RCN1: variants seen among roughly 807,000 people sequenced by gnomAD.
RCN1 encodes the protein reticulocalbin 1, also known as reticulocalbin-1.
In RCN1, 14 loss-of-function variants were observed where a neutral mutation model predicts 34.7. That is an observed-to-expected ratio of 0.40 (90% CI 0.27 to 0.63). The LOEUF is 0.63. Among genes scored for constraint, RCN1 ranks in the 30% least tolerant of loss-of-function variants. The pLI is 0.37. For synonymous variants in RCN1, 125 were observed against 165.5 expected (o/e 0.76, Z 1.88); for missense variants, 326 against 425.1 (o/e 0.77, Z 2.05).
At chr11:32,093,008 C>CAAT (rs1264419156) in intron 1 of RCN1, among the ~76,000 whole-genome samples, 1 of 152,188 alleles carries the variant, frequency 6.6e-6, no homozygotes, top group East Asian at 1.9e-4. Context: ...TAGGACTTAA[C>CAAT]AATAGGGGCC....
At chr11:32,097,906 C>A (rs1851991300) in intron 2 of RCN1, among the ~76,000 whole-genome samples, 2 of 152,264 alleles carry the variant, frequency 1.3e-5, no homozygotes, top group African/African-American at 4.8e-5. Flanking sequence ...CTGCTGGGTG[C>A]ATGGTGAGGT....
chr11:32,100,012 T>C (rs531583704), intron 3 of RCN1, among the ~76,000 whole-genome samples: 90 of 152,188 alleles, frequency 5.9e-4, no homozygotes, highest in Non-Finnish European at 1.1e-3. Flanking sequence ...CTCATTTAAT[T>C]ATTGACCCAA....
Position 32,099,811 on chromosome 11 carries a change from C to A in RCN1, c.628-737C>A, listed in dbSNP as rs75905801. Among the ~76,000 whole-genome samples, 704 of 152,270 alleles carry A rather than the reference C, an allele frequency of 4.6e-3. 8 individuals are homozygous for A. Among genetic ancestry groups the A allele is most frequent in the African/African-American group, 0.016 (682 of 41,532 alleles). On this transcript the variant is annotated intron_variant, in intron 3 of 5. Coordinates refer to ENST00000054950, the MANE Select transcript of RCN1 (RefSeq NM_002901.4). Reference sequence around the variant, plus strand: ...GACTGCCATGACTGTAAGGACTGGGCAGTGGCTCCAAGAATCATTTCTCTT... The same window carrying A: ...GACTGCCATGACTGTAAGGACTGGGAAGTGGCTCCAAGAATCATTTCTCTT...
chr11:32,102,283 C>G (rs1852054654), intron 4 of RCN1: 1 of 151,852 alleles, frequency 6.6e-6, no homozygotes, highest in Non-Finnish European at 1.5e-5. Context: ...AAAAAGTGAG[C>G]CCATTTTTAC....
chr11:32,103,586 T>C, intron 5 of RCN1, 106 bp downstream of exon 5: 1 of 962,446 alleles, frequency 1.0e-6, no homozygotes, highest in Non-Finnish European at 1.6e-6. Context: ...GCCATGTCTT[T>C]ATTGACTTTT....
intron 1 of RCN1, 170 bp from the exon 2 acceptor site, chr11:32,096,974 T>A (rs1394818310): frequency 1.8e-6 from 1 of 570,382 alleles, no homozygotes; most frequent in African/African-American, 1.9e-5. Flanking sequence ...AAGGATAAAC[T>A]TGAAGATTCC....
In RCN1 at chr11:32,103,288, G is replaced by A. The variant is rs1852067059; in HGVS notation, c.696G>A (p.Met232Ile). The change falls in exon 5 of 6, where the codon ATG becomes ATA. Residue 232 changes from methionine to isoleucine, a missense_variant. Coordinates refer to ENST00000054950, the MANE Select transcript of RCN1 (RefSeq NM_002901.4). ...FVDQDEYIAD[M>I]FSHEENGPEP... ...AATAACCTTCCCTTCTAGCGGATAT[G>A]TTTTCCCATGAGGAGAATGGCCCTG... is the stretch of plus-strand genomic sequence containing the variant. The A allele has an allele frequency of 6.2e-7, 1 of 1,613,890 alleles. No individual in the cohort carries two copies. Among genetic ancestry groups the A allele is most frequent in the Non-Finnish European group, 8.5e-7 (1 of 1,179,800 alleles).
chr11:32,103,575 G>A lies in RCN1; in HGVS notation c.888+95G>A, dbSNP rs1181076983. The A allele has an allele frequency of 2.8e-6, 3 of 1,076,796 alleles. No individual in the cohort carries two copies. In the African/African-American group the frequency reaches 4.6e-5, roughly 17 times the overall value. The allele number at this position is 1,076,796 out of a possible 1,614,324, so 66.7% of individuals were successfully genotyped here. ...TTTCGGCGATAGCATTGACCCATGT[G>A]GCCATGTCTTTATTGACTTTTCCTT... is the stretch of plus-strand genomic sequence containing the variant. On this transcript the variant is annotated intron_variant, in intron 5 of 5. Coordinates refer to ENST00000054950, the MANE Select transcript of RCN1 (RefSeq NM_002901.4).
intron 3 of RCN1, among the ~76,000 whole-genome samples, chr11:32,099,302 C>T (rs1378167111): frequency 6.7e-6 from 1 of 149,036 alleles, no homozygotes; most frequent in African/African-American, 2.5e-5. Context: ...GCCTGGGCGA[C>T]AGGGTGAGAC....
intron 1 of RCN1, among the ~76,000 whole-genome samples, chr11:32,095,604 T>C (rs1851965600): frequency 6.6e-6 from 1 of 152,076 alleles, no homozygotes; most frequent in East Asian, 1.9e-4. Context: ...GAGACGGGGT[T>C]TCACCGTGTT....
chr11:32,100,357 G>A (rs925327393), intron 3 of RCN1, among the ~76,000 whole-genome samples, 191 bp from the exon 4 acceptor site: 1 of 152,200 alleles, frequency 6.6e-6, no homozygotes, highest in Non-Finnish European at 1.5e-5. Context: ...GGAAACTGGG[G>A]TGGGGGATTA....
intron 2 of RCN1, among the ~76,000 whole-genome samples, 188 bp downstream of exon 2, chr11:32,097,525 A>C (rs1851987238): frequency 6.6e-6 from 1 of 152,170 alleles, no homozygotes; most frequent in Non-Finnish European, 1.5e-5. Context: ...GAATGAAGTT[A>C]CAGGTGGGAG....
intron 1 of RCN1, among the ~76,000 whole-genome samples, chr11:32,093,627 C>T (rs1273082766): frequency 1.3e-5 from 2 of 151,908 alleles, no homozygotes; most frequent in African/African-American, 4.8e-5. Context: ...GAAAAGCGTT[C>T]TGGGGCATGA....
At chr11:32,092,007 G>T (rs1042874503) in intron 1 of RCN1, among the ~76,000 whole-genome samples, 1 of 152,052 alleles carries the variant, frequency 6.6e-6, no homozygotes, top group Non-Finnish European at 1.5e-5. Flanking sequence ...TAAATCTATC[G>T]TAAGGAGTCT....
chr11:32,102,961 A>G (rs918452450), intron 4 of RCN1: 2 of 482,840 alleles, frequency 4.1e-6, no homozygotes, highest in South Asian at 3.2e-5. Context: ...ACATTTGATC[A>G]TAATAGCCCC....
intron 1 of RCN1, among the ~76,000 whole-genome samples, chr11:32,095,161 C>T (rs1851958618): frequency 6.6e-6 from 1 of 152,030 alleles, no homozygotes; most frequent in African/African-American, 2.4e-5. Flanking sequence ...CTCAACACTG[C>T]ACAATGTTAA....
chr11:32,099,603 A>G (rs1852012818), intron 3 of RCN1, among the ~76,000 whole-genome samples: 1 of 152,150 alleles, frequency 6.6e-6, no homozygotes, highest in African/African-American at 2.4e-5. Context: ...TTGGGTCCCA[A>G]ATGTCTTCAT....
intron 5 of RCN1, 70 bp from the exon 6 acceptor site, chr11:32,104,295 C>T: frequency 1.1e-6 from 1 of 901,256 alleles, no homozygotes; most frequent in South Asian, 1.4e-5. Flanking sequence ...AGTGAAATGA[C>T]ATGAACATCA....
chr11:32,100,583 G>GT lies in RCN1; in HGVS notation c.666dup (p.Val223CysfsTer5). ...AGGACATCGACAAGAACGGGGATGG[G>GT]TTTGTGGATCAGGATGAGTATATTG... On this transcript the variant is annotated frameshift_variant, in exon 4 of 6. Coordinates refer to ENST00000054950, the MANE Select transcript of RCN1 (RefSeq NM_002901.4). LOFTEE classifies it high-confidence loss of function. 2 of 1,614,134 alleles carry GT rather than the reference G, an allele frequency of 1.2e-6. No homozygotes were observed. The highest frequency in any genetic ancestry group is 1.7e-6 in the Non-Finnish European group (2 of 1,179,980).
Sources: gnomAD v4.1 joint callset for allele counts (sites outside exome capture counted in the v4.1 genomes callset) on GRCh38, gnomAD v4.1.1 for gene constraint, MANE v1.5 for transcripts, NCBI Gene and HGNC (gene_info 2026-07-23, HGNC 2026-07-21) for gene names.